CES5A: variants seen among roughly 807,000 people sequenced by gnomAD.
The protein encoded by CES5A is carboxylesterase 5.
Under a neutral mutation model 62.9 loss-of-function variants are expected in CES5A, and 67 were observed. That is an observed-to-expected ratio of 1.07 (90% confidence interval 0.88 to 1.31). The LOEUF is 1.31. Among genes scored for constraint, CES5A ranks in the 50% most tolerant of loss-of-function variants. The pLI is 0.00. For synonymous variants in CES5A, 296 were observed against 280.8 expected (o/e 1.05, Z -0.54); for missense variants, 748 against 708.5 (o/e 1.06, Z -0.63).
In CES5A at chr16:55,871,661, A is replaced by G. The variant is rs138444171; in HGVS notation, c.381T>C (p.Tyr127=). 2 of 1,614,034 alleles carry G rather than the reference A, an allele frequency of 1.2e-6. No homozygotes were observed. Among genetic ancestry groups the G allele is most frequent in the African/African-American group, 1.3e-5 (1 of 74,926 alleles). ...AGCCTGTATCGGCGTGGGCAGGCGCATAGATGTTCAGGTAGAGGCAGTCTT... is the reference window on the plus strand; with the variant it reads ...AGCCTGTATCGGCGTGGGCAGGCGCGTAGATGTTCAGGTAGAGGCAGTCTT... ...VSEDCLYLNI[Y]APAHADTGSK... The change falls in exon 3 of 13, where the codon TAT becomes TAC. Residue 127 remains tyrosine, a synonymous_variant. Coordinates refer to ENST00000290567, the MANE Select transcript of CES5A (RefSeq NM_001143685.2).
upstream of CES5A, among the ~76,000 whole-genome samples, chr16:55,930,150 C>T (rs1277788382): frequency 1.3e-5 from 2 of 152,162 alleles, no homozygotes; most frequent in Admixed American, 6.5e-5. Flanking sequence ...CCCAAGCACA[C>T]CTACACCAAA....
Position 55,874,113 on chromosome 16 carries a change from C to T in CES5A, c.74-76G>A, listed in dbSNP as rs1485174147. 5 of 1,323,378 alleles carry T rather than the reference C, an allele frequency of 3.8e-6. No homozygotes were observed. The African/African-American group carries it at 4.4e-5, about 12-fold the overall frequency. 82.0% of individuals were successfully genotyped at this position (1,323,378 alleles called of 1,614,324 possible). On this transcript the variant is annotated intron_variant, in intron 1 of 12. Transcript: ENST00000290567. ...AATGGCCCACCCAGTCTGGAGCTCC[C>T]CAGTGGGGATGTGCTTCCTTCACTC...
chr16:55,870,417 G>C (rs1252487654), intron 3 of CES5A, among the ~76,000 whole-genome samples: 1 of 152,006 alleles, frequency 6.6e-6, no homozygotes, highest in South Asian at 2.1e-4. Context: ...GAAAGAGGAA[G>C]GGTCAGGCAC....
At chr16:55,890,623 TC>T (rs1156417260) in intron 1 of CES5A, among the ~76,000 whole-genome samples, 1 of 151,982 alleles carries the variant, frequency 6.6e-6, no homozygotes, top group Non-Finnish European at 1.5e-5. Context: ...TGAAAAAAAA[TC>T]CTTTAAAATA....
rs1258899864 is a variant in CES5A, at chr16:55,941,589, AT to A, written c.160+8195del. 1.5e-4 allele frequency among the ~76,000 whole-genome samples: 23 copies of A among 151,676 alleles called. No homozygotes were observed. In the East Asian group the frequency reaches 1.7e-3, roughly 11 times the overall value. On this transcript the variant is annotated intron_variant, in intron 2 of 13. Transcript: ENST00000521992. ...CAATTCCAATAAAAATCCCAGGAGG[AT>A]TTTTTTTTAAATATTGACAAGTGGA...
rs186095802 is a variant in CES5A, at chr16:55,871,935, A to G, written c.279-172T>C. 5.3e-3 allele frequency: 3,224 copies of G among 610,964 alleles called. 13 individuals are homozygous for G. The highest frequency in any genetic ancestry group is 0.011 in the Middle Eastern group (24 of 2,278). 37.8% of individuals were successfully genotyped at this position (610,964 alleles called of 1,614,324 possible). ...CAAACCCCCATGGTTTCCAAAACAA[A>G]CAAGCAAGCAAATTATAATTCTCAT... On this transcript the variant is annotated intron_variant, in intron 2 of 12. Coordinates refer to ENST00000290567, the MANE Select transcript of CES5A (RefSeq NM_001143685.2).
rs1332258435 is a variant in CES5A, at chr16:55,942,908, A to T, written c.160+6877T>A. ...ACAGTGGACAAAGGAAGCCAGGCACATAATAGCACATACTGGGCGATTTTG... is the reference window on the plus strand; with the variant it reads ...ACAGTGGACAAAGGAAGCCAGGCACTTAATAGCACATACTGGGCGATTTTG... On this transcript the variant is annotated intron_variant, in intron 2 of 13. Transcript: ENST00000521992. Among the ~76,000 whole-genome samples the T allele has an allele frequency of 2.0e-5, 3 of 152,208 alleles. 1 individual carries two copies. Among genetic ancestry groups the T allele is most frequent in the African/African-American group, 7.2e-5 (3 of 41,458 alleles).
exon 2 of CES5A, chr16:55,949,902 C>T: frequency 7.2e-7 from 1 of 1,394,818 alleles, no homozygotes; most frequent in East Asian, 2.5e-5. Context: ...ATCCTAAACT[C>T]CTGGAAAAAA....
At chr16:55,916,077 T>C (rs979664637) in intron 1 of CES5A, among the ~76,000 whole-genome samples, 1 of 152,100 alleles carries the variant, frequency 6.6e-6, no homozygotes, top group African/African-American at 2.4e-5. Context: ...GGTTTTTCAA[T>C]GGTTGTTTGG....
At chr16:55,923,146 A>C (rs560214814) in intron 1 of CES5A, among the ~76,000 whole-genome samples, 1 of 151,658 alleles carries the variant, frequency 6.6e-6, no homozygotes, top group African/African-American at 2.4e-5. Flanking sequence ...AAGAAAAAAA[A>C]CAAAATTAAT....
At chr16:55,875,109 C>G in intron 1 of CES5A, 40 bp downstream of exon 1, 1 of 1,589,154 alleles carries the variant, frequency 6.3e-7, no homozygotes, top group Non-Finnish European at 8.6e-7. Context: ...CTCACCCACC[C>G]CATCTTCTGA....
At position 55,849,691 on chromosome 16, in the gene CES5A, G is replaced by A. The variant is rs779934699; in HGVS notation, c.1356C>T (p.Ala452=). The A allele has an allele frequency of 6.8e-6, 11 of 1,613,862 alleles. No homozygotes were observed. Among genetic ancestry groups the A allele is most frequent in the East Asian group, 4.5e-5 (2 of 44,882 alleles). Residue 452 remains alanine (A), a synonymous_variant, in exon 11 of 13, where the codon GCC becomes GCT. Transcript: ENST00000290567. ...FEDTKPAFVK[A]DHADEVRFVF... ...CAAAGCGGACTTCATCAGCGTGGTC[G>A]GCTTTGACAAAAGCTGGCTTCGTGT...
At chr16:55,950,478 A>G (rs1347679636) in intron 1 of CES5A, among the ~76,000 whole-genome samples, 1 of 152,230 alleles carries the variant, frequency 6.6e-6, no homozygotes, top group African/African-American at 2.4e-5. Flanking sequence ...TAAAAAATCA[A>G]TATATGAACT....
Position 55,861,441 on chromosome 16 carries a change from G to A in CES5A, c.886C>T (p.Pro296Ser). 6.2e-7 allele frequency: 1 copy of A among 1,613,730 alleles called. No individual in the cohort carries two copies. The highest frequency in any genetic ancestry group is 8.5e-7 in the Non-Finnish European group (1 of 1,179,674). Reference sequence around the variant, plus strand: ...CTGAGGGTCAGCAGCTCCTTGGAGGGTTTTGTCCTCAGGCACCTCAGCAGG... The same window carrying A: ...CTGAGGGTCAGCAGCTCCTTGGAGGATTTTGTCCTCAGGCACCTCAGCAGG... ...EALLRCLRTK[P>S]SKELLTLSQK... is the part of the protein sequence containing the mutation. Residue 296 changes from proline (P) to serine (S), a missense_variant, in exon 7 of 13, where the codon CCC becomes TCC. Coordinates refer to ENST00000290567, the MANE Select transcript of CES5A (RefSeq NM_001143685.2).
intron 1 of CES5A, among the ~76,000 whole-genome samples, chr16:55,883,555 G>T (rs571965928): frequency 6.6e-6 from 1 of 152,208 alleles, no homozygotes; most frequent in Non-Finnish European, 1.5e-5. Context: ...TTACAGGTGT[G>T]AGCCACTGCA....
At chr16:55,899,641 A>G (rs1333364839) in intron 1 of CES5A, among the ~76,000 whole-genome samples, 3 of 152,304 alleles carry the variant, frequency 2.0e-5, no homozygotes, top group African/African-American at 7.2e-5. Flanking sequence ...TACTAGGTTA[A>G]AGCAGTCGTT....
At position 55,918,474 on chromosome 16, in the gene CES5A, C is replaced by G. The variant is rs1205383906; in HGVS notation, c.-256+6849G>C. Among the ~76,000 whole-genome samples the G allele has an allele frequency of 2.6e-5, 4 of 152,156 alleles. No individual in the cohort carries two copies. The East Asian group carries it at 5.8e-4, about 22-fold the overall frequency. On this transcript the variant is annotated intron_variant, in intron 1 of 12. Transcript: ENST00000518005. ...CCTCCCTGCCTATGTTCTATTCTTC[C>G]CATACCATTAGATTCTGAAAGAAAT...
chr16:55,847,391 C>G (rs926400805), intron 11 of CES5A, among the ~76,000 whole-genome samples: 3 of 151,718 alleles, frequency 2.0e-5, no homozygotes, highest in South Asian at 4.2e-4. Context: ...TTTTCCTTCT[C>G]TCTCTCCCTC....
At chr16:55,927,767 T>G (rs1457733376), upstream of CES5A, among the ~76,000 whole-genome samples, 2 of 152,192 alleles carry the variant, frequency 1.3e-5, no homozygotes, top group African/African-American at 2.4e-5. Flanking sequence ...ATCCCATTAC[T>G]GGATATTTAC....
Sources: allele counts gnomAD v4.1 joint callset (sites outside exome capture counted in the v4.1 genomes callset), GRCh38; gene constraint gnomAD v4.1.1; transcripts MANE v1.5; gene names NCBI Gene and HGNC (gene_info 2026-07-23, HGNC 2026-07-21).